The following NXPE2 variants were observed in gnomAD, a reference collection of about 807,000 sequenced individuals.
NXPE2 encodes NXPE family member 2.
NXPE2 carries 34 observed loss-of-function variants against 34.4 expected under a neutral mutation model. The observed-to-expected ratio is 0.99, with a 90% CI of 0.75 to 1.31. The LOEUF (loss-of-function observed/expected upper bound fraction) is 1.31. NXPE2 is among the 40% of genes most tolerant of loss of function. NXPE2 has a pLI of 0.00. For missense variants in NXPE2, 649 were observed against 672.5 expected (o/e 0.97, Z 0.39); for synonymous variants, 235 against 231.3 (o/e 1.02, Z -0.15).
the NXPE2 span, among the ~76,000 whole-genome samples, chr11:114,663,513 T>G: frequency 6.6e-6 from 1 of 152,054 alleles, no homozygotes; most frequent in African/African-American, 2.4e-5. Flanking sequence ...AGTAGGGGTG[T>G]AAACTGGGAG....
the NXPE2 span, among the ~76,000 whole-genome samples, chr11:114,611,467 G>A: frequency 2.0e-5 from 3 of 149,356 alleles, no homozygotes; most frequent in South Asian, 4.3e-4. Flanking sequence ...GTATTGCCTC[G>A]TGGGTAACCA....
At chr11:114,514,332 T>G in the NXPE2 span, among the ~76,000 whole-genome samples, 3 of 152,192 alleles carry the variant, frequency 2.0e-5, no homozygotes, top group African/African-American at 7.2e-5. Flanking sequence ...AAATGGAAGC[T>G]TAAAAGCATG....
the NXPE2 span, among the ~76,000 whole-genome samples, chr11:114,601,817 A>T: frequency 2.7e-5 from 2 of 74,732 alleles, no homozygotes; most frequent in Non-Finnish European, 4.6e-5. Flanking sequence ...TTATATAATT[A>T]TATATAATAT....
intron 2 of NXPE2, among the ~76,000 whole-genome samples, chr11:114,690,899 T>C (rs1951137131): frequency 6.6e-6 from 1 of 152,074 alleles, no homozygotes. Flanking sequence ...TATTTTAAAA[T>C]TCCTATAGTC....
chr11:114,582,637 C>T, the NXPE2 span: 184 of 1,614,120 alleles, frequency 1.1e-4, no homozygotes, highest in African/African-American at 1.8e-3. Flanking sequence ...AGGTAGGTGC[C>T]GTTGTTGAAG....
At chr11:114,505,489 A>G in the NXPE2 span, among the ~76,000 whole-genome samples, 3 of 152,222 alleles carry the variant, frequency 2.0e-5, no homozygotes, top group Non-Finnish European at 2.9e-5. Context: ...AGGCCAGGTC[A>G]TATACAAAGG....
chr11:114,759,306 T>C, the NXPE2 span, among the ~76,000 whole-genome samples: 433 of 152,318 alleles, frequency 2.8e-3, no homozygotes, highest in Non-Finnish European at 4.4e-3. Flanking sequence ...AATCTGTCTC[T>C]ACCACCTTCT....
the NXPE2 span, among the ~76,000 whole-genome samples, chr11:114,648,063 A>G: frequency 6.6e-6 from 1 of 152,170 alleles, no homozygotes; most frequent in Non-Finnish European, 1.5e-5. Context: ...TATATAAGAC[A>G]TATATTGAGT....
At chr11:114,490,971 G>A in the NXPE2 span, among the ~76,000 whole-genome samples, 1 of 150,384 alleles carries the variant, frequency 6.6e-6, no homozygotes, top group African/African-American at 2.5e-5. Flanking sequence ...GACCATCCTG[G>A]CTAACAAGGT....
At chr11:114,521,983 T>G in the NXPE2 span, 4 of 1,611,316 alleles carry the variant, frequency 2.5e-6, no homozygotes, top group Non-Finnish European at 3.4e-6. Context: ...AAATGTAGTT[T>G]AAGAACATGT....
chr11:114,644,760 CA>C, the NXPE2 span, among the ~76,000 whole-genome samples: 1 of 150,960 alleles, frequency 6.6e-6, no homozygotes, highest in African/African-American at 2.4e-5. Flanking sequence ...AGCAAAGGGC[CA>C]AAAATACATA....
chr11:114,792,307 G>C, the NXPE2 span, among the ~76,000 whole-genome samples: 1 of 152,230 alleles, frequency 6.6e-6, no homozygotes, highest in Non-Finnish European at 1.5e-5. Flanking sequence ...CATCAGAGCT[G>C]TCTCCTTGGG....
At chr11:114,527,849 T>C in the NXPE2 span, 1 of 1,606,860 alleles carries the variant, frequency 6.2e-7, no homozygotes, top group African/African-American at 1.3e-5. Context: ...CTGTTACAAT[T>C]AGTGACATCA....
intron 3 of NXPE2, among the ~76,000 whole-genome samples, chr11:114,703,438 G>A (rs904706729): frequency 6.6e-6 from 1 of 152,176 alleles, no homozygotes. Context: ...CCAAATTCTT[G>A]AGAATTTACC....
the NXPE2 span, among the ~76,000 whole-genome samples, chr11:114,541,447 T>C: frequency 6.6e-6 from 1 of 152,162 alleles, no homozygotes; most frequent in African/African-American, 2.4e-5. Flanking sequence ...GAAATGTCGA[T>C]GAAAAGAGTC....
the NXPE2 span, among the ~76,000 whole-genome samples, chr11:114,620,618 A>G: frequency 4.6e-5 from 7 of 151,888 alleles, no homozygotes; most frequent in African/African-American, 1.5e-4. Context: ...CGCGGTGGAT[A>G]ATAAGTGTTG....
At chr11:114,760,748 A>T in the NXPE2 span, among the ~76,000 whole-genome samples, 1 of 152,178 alleles carries the variant, frequency 6.6e-6, no homozygotes, top group African/African-American at 2.4e-5. Flanking sequence ...GCTGTTTAAT[A>T]ATCAAGACCA....
chr11:114,504,022 G>A, the NXPE2 span, among the ~76,000 whole-genome samples: 1 of 152,192 alleles, frequency 6.6e-6, no homozygotes, highest in Non-Finnish European at 1.5e-5. Context: ...CCAGTGGAAA[G>A]CTCCAGAGAG....
chr11:114,520,553 G>T, the NXPE2 span, among the ~76,000 whole-genome samples: 1 of 152,060 alleles, frequency 6.6e-6, no homozygotes, highest in Non-Finnish European at 1.5e-5. Context: ...CTTGGCTATT[G>T]TGAATAATGC....
Sources: gnomAD v4.1 joint callset for allele counts (sites outside exome capture counted in the v4.1 genomes callset) on GRCh38, gnomAD v4.1.1 for gene constraint, MANE v1.5 for transcripts, NCBI Gene and HGNC (gene_info 2026-07-23, HGNC 2026-07-21) for gene names.